NARS2: variants seen among roughly 807,000 people sequenced by gnomAD.
NARS2 encodes asparaginyl-tRNA synthetase.
NARS2 carries 60 observed loss-of-function variants against 62.9 expected under a neutral mutation model. The ratio of observed to expected loss-of-function variants is 0.95; its 90% CI spans 0.77 to 1.18. The LOEUF (loss-of-function observed/expected upper bound fraction) is 1.18, where lower values mean the gene tolerates loss of function less well. Among genes scored for constraint, NARS2 ranks in the 50% most tolerant of loss-of-function variants. The pLI is 0.00. For synonymous variants in NARS2, 196 were observed against 200.0 expected, an observed-to-expected ratio of 0.98 and a Z score of 0.17; for missense variants, 619 against 576.4, an observed-to-expected ratio of 1.07 and a Z score of -0.76.
intron 5 of NARS2, among the ~76,000 whole-genome samples, chr11:78,531,230 G>C (rs570178812): frequency 6.6e-6 from 1 of 151,696 alleles, no homozygotes; most frequent in South Asian, 2.1e-4. Flanking sequence ...CAAAAAAAAG[G>C]CAAATTAAAA....
chr11:78,551,377 G>A (rs557272686), intron 5 of NARS2, among the ~76,000 whole-genome samples: 4 of 152,268 alleles, frequency 2.6e-5, no homozygotes, highest in Non-Finnish European at 5.9e-5. Flanking sequence ...TGGTAAGCGT[G>A]TGTGTATGTA....
intron 7 of NARS2, 45 bp downstream of exon 7, chr11:78,493,018 T>G (rs761805097): frequency 2.7e-6 from 4 of 1,456,442 alleles, no homozygotes; most frequent in Admixed American, 4.8e-5. Context: ...TACAGAAACA[T>G]TTTAATGTCA....
At chr11:78,529,831 G>A (rs915393973) in intron 5 of NARS2, among the ~76,000 whole-genome samples, 8 of 152,078 alleles carry the variant, frequency 5.3e-5, no homozygotes, top group African/African-American at 1.9e-4. Flanking sequence ...CCAGCTTCTT[G>A]TATTTTAAAC....
intron 11 of NARS2, among the ~76,000 whole-genome samples, chr11:78,450,441 C>T (rs1040123225): frequency 2.6e-5 from 4 of 152,114 alleles, no homozygotes; most frequent in African/African-American, 9.7e-5. Context: ...CATCTTTGTT[C>T]TTTCTTTGCC....
intron 4 of NARS2, among the ~76,000 whole-genome samples, chr11:78,563,485 A>G (rs1285025168): frequency 1.3e-5 from 2 of 151,626 alleles, no homozygotes; most frequent in African/African-American, 4.8e-5. Context: ...CAAAGTGCTG[A>G]GATTTCAGGA....
chr11:78,501,940 C>T (rs1238063268), intron 6 of NARS2, among the ~76,000 whole-genome samples: 1 of 152,072 alleles, frequency 6.6e-6, no homozygotes, highest in Non-Finnish European at 1.5e-5. Context: ...CCCAAATATT[C>T]ATCAATGAAT....
In NARS2 at chr11:78,466,104, G is replaced by T. The variant is rs1184021611; in HGVS notation, c.1027-91C>A. ...AAAATAACCTGCATCAATTCTAAGG[G>T]CTTCATCTTCCTGAGGCTCCATGTG... On this transcript the variant is annotated intron_variant, in intron 10 of 13. Coordinates refer to ENST00000281038, the MANE Select transcript of NARS2 (RefSeq NM_024678.6). 4.5e-6 allele frequency: 6 copies of T among 1,338,500 alleles called. 1 individual carries two copies. The highest frequency in any genetic ancestry group is 5.1e-6 in the Non-Finnish European group (5 of 981,592). 82.9% of individuals were successfully genotyped at this position (1,338,500 alleles called of 1,614,324 possible).
At chr11:78,489,794 T>A (rs1409316568) in intron 7 of NARS2, among the ~76,000 whole-genome samples, 2 of 152,148 alleles carry the variant, frequency 1.3e-5, no homozygotes, top group Admixed American at 6.5e-5. Context: ...GGCTCACATG[T>A]GTAATCCCAA....
At chr11:78,543,430 G>A (rs1855709778) in intron 5 of NARS2, among the ~76,000 whole-genome samples, 2 of 152,138 alleles carry the variant, frequency 1.3e-5, no homozygotes. Flanking sequence ...AAACTTTCCA[G>A]TGTTTATGAA....
chr11:78,488,449 G>C (rs965829506), intron 7 of NARS2, among the ~76,000 whole-genome samples: 11 of 152,116 alleles, frequency 7.2e-5, no homozygotes, highest in Admixed American at 3.9e-4. Context: ...TCTAGAAAAT[G>C]GAAGAGGCAA....
At chr11:78,557,808 A>G (rs1233651443) in intron 5 of NARS2, among the ~76,000 whole-genome samples, 1 of 148,010 alleles carries the variant, frequency 6.8e-6, no homozygotes, top group African/African-American at 2.5e-5. Context: ...TATATCATAT[A>G]TATCTTATAT....
intron 6 of NARS2, among the ~76,000 whole-genome samples, chr11:78,493,880 C>A (rs1859938729): frequency 6.6e-6 from 1 of 151,998 alleles, no homozygotes; most frequent in Non-Finnish European, 1.5e-5. Flanking sequence ...CACCGCAGCC[C>A]AAGAAACCCC....
At chr11:78,557,950 T>C (rs1053146788) in intron 5 of NARS2, among the ~76,000 whole-genome samples, 4 of 151,804 alleles carry the variant, frequency 2.6e-5, no homozygotes, top group Non-Finnish European at 4.4e-5. Flanking sequence ...TTTTTACTTG[T>C]TTCATTTGGG....
chr11:78,488,239 A>T (rs1022039754), intron 7 of NARS2, among the ~76,000 whole-genome samples: 135 of 90,600 alleles, frequency 1.5e-3, no homozygotes, highest in African/African-American at 5.6e-3. Context: ...CCTGGTAAAA[A>T]AAAAAAAAAA....
At chr11:78,533,647 T>G (rs1444653963) in intron 5 of NARS2, among the ~76,000 whole-genome samples, 1 of 152,206 alleles carries the variant, frequency 6.6e-6, no homozygotes, top group Admixed American at 6.5e-5. Context: ...AAAGGCACCT[T>G]AGGCAACCAA....
chr11:78,513,293 T>C (rs919080191), intron 6 of NARS2, among the ~76,000 whole-genome samples: 44 of 152,170 alleles, frequency 2.9e-4, no homozygotes, highest in Non-Finnish European at 5.9e-5. Flanking sequence ...TAGAGTCCCC[T>C]TATTGTGCAA....
intron 6 of NARS2, among the ~76,000 whole-genome samples, chr11:78,509,296 A>G (rs866062281): frequency 2.6e-5 from 4 of 152,256 alleles, no homozygotes; most frequent in Middle Eastern, 6.8e-3. Flanking sequence ...AACCTAAAAG[A>G]GTTTGTTACT....
intron 9 of NARS2, among the ~76,000 whole-genome samples, chr11:78,475,333 T>C (rs1859043492): frequency 6.6e-6 from 1 of 152,202 alleles, no homozygotes; most frequent in African/African-American, 2.4e-5. Flanking sequence ...GTTGATTCCA[T>C]ATCTTGGCTA....
intron 8 of NARS2, 29 bp from the exon 9 acceptor site, chr11:78,478,504 T>A (rs760938048): frequency 8.1e-7 from 1 of 1,233,684 alleles, no homozygotes; most frequent in Non-Finnish European, 1.1e-6. Flanking sequence ...AAGAAAATTT[T>A]AAAAATATAA....
Sources: gnomAD v4.1 joint callset for allele counts (sites outside exome capture counted in the v4.1 genomes callset) on GRCh38, gnomAD v4.1.1 for gene constraint, MANE v1.5 for transcripts, NCBI Gene and HGNC (gene_info 2026-07-23, HGNC 2026-07-21) for gene names.